ARHGAP8: variants seen among roughly 807,000 people sequenced by gnomAD.
The protein encoded by ARHGAP8 is rho GTPase-activating protein 8.
ARHGAP8 carries 62 observed loss-of-function variants against 46.1 expected under a neutral mutation model. The observed-to-expected ratio is 1.34, with a 90% confidence interval of 1.10 to 1.66. The LOEUF is 1.66. Among genes scored for constraint, ARHGAP8 ranks in the 40% most tolerant of loss-of-function variants. ARHGAP8 has a pLI of 0.00. For synonymous variants in ARHGAP8, 375 were observed against 243.1 expected (o/e 1.54, Z -5.05); for missense variants, 923 against 568.4 (o/e 1.62, Z -6.34).
intron 1 of ARHGAP8, among the ~76,000 whole-genome samples, chr22:44,778,913 C>A (rs1447584013): frequency 6.7e-6 from 1 of 150,194 alleles, no homozygotes; most frequent in Non-Finnish European, 1.5e-5. Flanking sequence ...AACTCTCACA[C>A]AGATATAAAA....
intron 10 of ARHGAP8, among the ~76,000 whole-genome samples, chr22:44,859,123 T>G (rs144909487): frequency 0.018 from 2,794 of 152,218 alleles, 86 homozygotes; most frequent in African/African-American, 0.064. Flanking sequence ...TTTAGCAGCT[T>G]CCTGGAAGGT....
chr22:44,791,865 C>T (rs1569147272), intron 2 of ARHGAP8, among the ~76,000 whole-genome samples: 1 of 152,174 alleles, frequency 6.6e-6, no homozygotes, highest in Non-Finnish European at 1.5e-5. Context: ...TAGTGGAAGC[C>T]ACTCTCCACT....
intron 1 of ARHGAP8, among the ~76,000 whole-genome samples, chr22:44,769,673 C>G (rs1467035146): frequency 6.6e-6 from 1 of 151,994 alleles, no homozygotes; most frequent in Non-Finnish European, 1.5e-5. Flanking sequence ...TTAGGCACTT[C>G]TTTTGTTCTC....
chr22:44,858,096 C>A (rs1437971391), intron 10 of ARHGAP8, among the ~76,000 whole-genome samples: 8 of 152,190 alleles, frequency 5.3e-5, no homozygotes, highest in African/African-American at 1.9e-4. Flanking sequence ...AATGACTGAA[C>A]AACAGCTTGA....
intron 1 of ARHGAP8, among the ~76,000 whole-genome samples, chr22:44,766,486 C>G (rs1326163449): frequency 6.6e-6 from 1 of 151,316 alleles, no homozygotes; most frequent in East Asian, 1.9e-4. Flanking sequence ...ATATGTGTGT[C>G]TCTGTGTACG....
intron 11 of ARHGAP8, among the ~76,000 whole-genome samples, chr22:44,860,168 T>G (rs1294429875): frequency 1.4e-5 from 2 of 146,034 alleles, no homozygotes; most frequent in Non-Finnish European, 3.1e-5. Flanking sequence ...GGGAGCTGTG[T>G]CCACCACTGG....
Position 44,848,011 on chromosome 22 carries a change from G to A in ARHGAP8, c.709G>A (p.Val237Met), listed in dbSNP as rs769447573. 36 of 1,608,158 alleles carry A rather than the reference G, an allele frequency of 2.2e-5. No homozygotes were observed. The highest frequency in any genetic ancestry group is 6.7e-5 in the East Asian group (3 of 44,878). Reference sequence around the variant, plus strand: ...GGGCCTGTTCCGGAGATCCGCCAGCGTGCAGACCGTCCGCGAGATCCAGAG... The same window carrying A: ...GGGCCTGTTCCGGAGATCCGCCAGCATGCAGACCGTCCGCGAGATCCAGAG... Reference protein sequence around the residue: ...TEGLFRRSASVQTVREIQRLY... With the variant: ...TEGLFRRSASMQTVREIQRLY... Residue 237 changes from valine (V) to methionine (M), a missense_variant, in exon 9 of 12, where the codon GTG (valine) becomes ATG (methionine). Transcript: ENST00000356099.
chr22:44,821,300 T>G (rs886871371), intron 5 of ARHGAP8, among the ~76,000 whole-genome samples: 65 of 152,034 alleles, frequency 4.3e-4, no homozygotes, highest in Non-Finnish European at 7.6e-4. Context: ...CGTGGTGGTG[T>G]GCACCTTAAT....
At chr22:44,824,606 G>A (rs1284139965) in intron 6 of ARHGAP8, among the ~76,000 whole-genome samples, 2 of 150,798 alleles carry the variant, frequency 1.3e-5, no homozygotes, top group African/African-American at 4.9e-5. Flanking sequence ...GAGCACAGAG[G>A]GTCTTTTCTT....
rs1555907814 is a variant in ARHGAP8 at position 44,754,373 on chromosome 22, T to TGTGTGTGTGTGTGTGA, written c.-72+1747_-72+1748insTGTGTGTGTGTGTGAG. On this transcript the variant is annotated intron_variant, in intron 1 of 11. Transcript: ENST00000356099. ...GTGTGTGTGTGTGTGTGTGTGTGTG[T>TGTGTGTGTGTGTGTGA]GACGCAGTTTTCGCTCTTGTCGCCC... Among the ~76,000 whole-genome samples the TGTGTGTGTGTGTGTGA allele has an allele frequency of 2.9e-3, 435 of 147,556 alleles. 2 individuals are homozygous for TGTGTGTGTGTGTGTGA. The highest frequency in any genetic ancestry group is 0.026 in the South Asian group (112 of 4,388).
intron 1 of ARHGAP8, among the ~76,000 whole-genome samples, chr22:44,783,701 CA>C (rs1428247284): frequency 6.6e-6 from 1 of 152,208 alleles, no homozygotes; most frequent in Non-Finnish European, 1.5e-5. Flanking sequence ...ACAAATAGCA[CA>C]GAGACCTTAG....
At chr22:44,827,345 T>TTTTTTG (rs1272942703) in intron 7 of ARHGAP8, among the ~76,000 whole-genome samples, 1 of 118,244 alleles carries the variant, frequency 8.5e-6, no homozygotes, top group African/African-American at 3.7e-5. Context: ...GGTTTTTTTT[T>TTTTTTG]TTTTTTTTTT....
intron 10 of ARHGAP8, among the ~76,000 whole-genome samples, chr22:44,851,785 G>C (rs2070100560): frequency 6.6e-6 from 1 of 152,052 alleles, no homozygotes; most frequent in South Asian, 2.1e-4. Context: ...GCTACAGTGA[G>C]CCATGATCAC....
At chr22:44,758,479 A>C (rs1167102495) in intron 1 of ARHGAP8, among the ~76,000 whole-genome samples, 1 of 152,090 alleles carries the variant, frequency 6.6e-6, no homozygotes, top group Non-Finnish European at 1.5e-5. Flanking sequence ...GTGAATCCCC[A>C]CTTTAATTTC....
chr22:44,825,754 C>G (rs760499868), intron 7 of ARHGAP8, among the ~76,000 whole-genome samples, 161 bp downstream of exon 7: 11 of 150,484 alleles, frequency 7.3e-5, no homozygotes, highest in East Asian at 5.9e-4. Context: ...GGCCGTGGCT[C>G]GCTGCTCAGT....
chr22:44,798,531 T>A (rs1372915390), intron 2 of ARHGAP8, among the ~76,000 whole-genome samples: 2 of 3,922 alleles, frequency 5.1e-4, no homozygotes, highest in South Asian at 0.062. Flanking sequence ...GGACTTGCGT[T>A]TTTTTTTTTT....
At chr22:44,792,978 C>T (rs920058360) in intron 2 of ARHGAP8, among the ~76,000 whole-genome samples, 2 of 152,004 alleles carry the variant, frequency 1.3e-5, no homozygotes, top group Non-Finnish European at 1.5e-5. Context: ...TGCCTGCCAC[C>T]ATGCCCAGCT....
intron 8 of ARHGAP8, among the ~76,000 whole-genome samples, chr22:44,846,373 C>T (rs929790208): frequency 6.6e-6 from 1 of 152,204 alleles, no homozygotes; most frequent in South Asian, 2.1e-4. Context: ...AGCCCCTCCT[C>T]ACTTGTAGGC....
intron 7 of ARHGAP8, among the ~76,000 whole-genome samples, chr22:44,840,105 T>G (rs928086607): frequency 2.6e-4 from 40 of 151,920 alleles, no homozygotes; most frequent in African/African-American, 8.9e-4. Context: ...AGATCACAGG[T>G]GGGAAGAGTC....
Sources: allele counts gnomAD v4.1 joint callset (sites outside exome capture counted in the v4.1 genomes callset), GRCh38; gene constraint gnomAD v4.1.1; transcripts MANE v1.5; gene names NCBI Gene and HGNC (gene_info 2026-07-23, HGNC 2026-07-21).